The following ADH6 variants were observed in gnomAD, a reference collection of about 807,000 sequenced individuals.
ADH6 encodes the protein alcohol dehydrogenase 6 (class V).
In ADH6, 34 loss-of-function variants were observed where a neutral mutation model predicts 36.5. That is an observed-to-expected ratio of 0.93 (90% CI 0.71 to 1.24). ADH6 has a LOEUF of 1.24. Among genes scored for constraint, ADH6 ranks in the 50% most tolerant of loss-of-function variants. The pLI, the probability that ADH6 is intolerant of heterozygous loss-of-function variation, is 0.00. For missense variants in ADH6, 440 were observed against 447.0 expected (o/e 0.98, Z 0.14); for synonymous variants, 161 against 155.5 (o/e 1.04, Z -0.26).
intron 3 of ADH6, 74 bp downstream of exon 3, chr4:99,213,532 T>A: frequency 7.2e-7 from 1 of 1,388,186 alleles, no homozygotes; most frequent in South Asian, 1.6e-5. Context: ...CTGACATACT[T>A]AAGGGGTGCT....
intron 3 of ADH6, among the ~76,000 whole-genome samples, chr4:99,212,428 T>C (rs1295498339): frequency 6.6e-6 from 1 of 152,182 alleles, no homozygotes; most frequent in Admixed American, 6.6e-5. Flanking sequence ...ATGGGATGAT[T>C]AAATCAAAGT....
Position 99,203,944 on chromosome 4 carries a change from C to G in ADH6, c.*275G>C. On this transcript the variant is annotated 3_prime_UTR_variant, in exon 9 of 9. Coordinates refer to ENST00000394899, the MANE Select transcript of ADH6 (RefSeq NM_001102470.2). ...TGAAAATGGGAGCATCTTGCATTGA[C>G]CTTTTATGTCTGAAGGATGTGGAGT... 4 of 409,130 alleles carry G rather than the reference C, an allele frequency of 9.8e-6. No homozygotes were observed. Among genetic ancestry groups the G allele is most frequent in the Non-Finnish European group, 8.6e-6 (2 of 231,638 alleles). The allele number at this position is 409,130 out of a possible 1,614,324, so 25.3% of individuals were successfully genotyped here. A position where few individuals can be genotyped will look rare whatever the true frequency, so the allele number is the denominator to read the frequency against.
chr4:99,213,554 C>G (rs537707275), intron 3 of ADH6, 52 bp downstream of exon 3: 4 of 1,362,468 alleles, frequency 2.9e-6, no homozygotes, highest in African/African-American at 5.2e-5. Flanking sequence ...ATCATTTTCT[C>G]GAGTTGGTTC....
chr4:99,213,812 G>C, intron 2 of ADH6, 65 bp from the exon 3 acceptor site: 3 of 1,400,974 alleles, frequency 2.1e-6, no homozygotes, highest in Non-Finnish European at 2.8e-6. Flanking sequence ...TAGAGTTGTT[G>C]ACTGTAAGGC....
chr4:99,213,391 CT>C (rs1731293770), intron 3 of ADH6, among the ~76,000 whole-genome samples: 1 of 152,010 alleles, frequency 6.6e-6, no homozygotes, highest in Admixed American at 6.6e-5. Flanking sequence ...CATTCTACTT[CT>C]TGTTTTTTCT....
chr4:99,216,493 A>G (rs1192895566), intron 1 of ADH6, among the ~76,000 whole-genome samples: 1 of 152,174 alleles, frequency 6.6e-6, no homozygotes, highest in Non-Finnish European at 1.5e-5. Context: ...AACTATATTT[A>G]CAAAATGTAA....
Position 99,210,470 on chromosome 4 carries a change from A to C in ADH6, c.295T>G (p.Cys99Gly). The C allele has an allele frequency of 6.2e-7, 1 of 1,611,940 alleles. No homozygotes were observed. Among genetic ancestry groups the C allele is most frequent in the East Asian group, 2.2e-5 (1 of 44,860 alleles). ...TTCAGGCAAGAGGTACATTCTCCAC[A>C]CTGTGGCAGAAAGAGTGTGATAACT... ...DKVITLFLPQ[C>G]GECTSCLNSE... Residue 99 changes from cysteine to glycine, a missense_variant, in exon 4 of 9, where the codon TGT (cysteine) becomes GGT (glycine). Transcript: ENST00000394899.
At chr4:99,217,189 C>G (rs1009147898) in intron 1 of ADH6, among the ~76,000 whole-genome samples, 1 of 152,084 alleles carries the variant, frequency 6.6e-6, no homozygotes, top group African/African-American at 2.4e-5. Context: ...GCGCCCACCA[C>G]CACGCCTGGC....
rs1186310992 is a variant in ADH6, at chr4:99,204,236, A to G, written c.1111T>C (p.Cys371Arg). 6.2e-7 allele frequency: 1 copy of G among 1,602,066 alleles called. No individual in the cohort carries two copies. The highest frequency in any genetic ancestry group is 8.5e-7 in the Non-Finnish European group (1 of 1,178,520). Residue 371 changes from cysteine (C) to arginine (R), a missense_variant, in exon 9 of 9, where the codon TGT (cysteine) becomes CGT (arginine). Cys to Arg is a radical substitution (Grantham distance 180, BLOSUM62 -3). Coordinates refer to ENST00000394899, the MANE Select transcript of ADH6 (RefSeq NM_001102470.2). ...CATTGTACTTAAAGTAACAGGATAC[A>G]GCGGATACTGAAAAAAAGAAGAAGA... The part of the protein sequence containing the change: ...ELMKTGKCIR[C>R]ILLL
At chr4:99,212,712 C>CAT (rs915032509) in intron 3 of ADH6, among the ~76,000 whole-genome samples, 65 of 150,716 alleles carry the variant, frequency 4.3e-4, no homozygotes, top group South Asian at 1.3e-3. Context: ...TTAAAGCATT[C>CAT]ATATATATAT....
chr4:99,212,486 T>G (rs1579447045), intron 3 of ADH6, among the ~76,000 whole-genome samples: 1 of 152,094 alleles, frequency 6.6e-6, no homozygotes, highest in African/African-American at 2.4e-5. Flanking sequence ...GGTAAGAACA[T>G]TTGAAATGTA....
chr4:99,211,504 G>C (rs956037540), intron 3 of ADH6, among the ~76,000 whole-genome samples: 2 of 152,104 alleles, frequency 1.3e-5, no homozygotes, highest in Non-Finnish European at 2.9e-5. Flanking sequence ...TCTTATTGTA[G>C]ACAGAGTTCT....
chr4:99,212,783 CT>C (rs1305611082), intron 3 of ADH6, among the ~76,000 whole-genome samples: 5 of 150,522 alleles, frequency 3.3e-5, no homozygotes, highest in East Asian at 2.0e-4. Context: ...TTTTGTTTGC[CT>C]TTTTTTATTT....
At chr4:99,214,402 A>C (rs1039084193) in intron 2 of ADH6, among the ~76,000 whole-genome samples, 1 of 152,178 alleles carries the variant, frequency 6.6e-6, no homozygotes, top group Non-Finnish European at 1.5e-5. Context: ...TCTAAAATGA[A>C]ATGAAATAAA....
chr4:99,216,530 T>A (rs1034717737), intron 1 of ADH6, among the ~76,000 whole-genome samples: 3 of 152,150 alleles, frequency 2.0e-5, no homozygotes, highest in African/African-American at 7.2e-5. Context: ...GATGTCATAC[T>A]TTTAAAGATT....
At chr4:99,209,036 TA>T in intron 5 of ADH6, 108 bp from the exon 6 acceptor site, 2 of 1,205,510 alleles carry the variant, frequency 1.7e-6, no homozygotes, top group South Asian at 3.2e-5. Context: ...TAACGAGTCA[TA>T]AGCAAATGAT....
In ADH6 at chr4:99,203,082, G is replaced by A; in HGVS notation, c.*1137C>T. ...CAGTGTTAAATCAGGAAACTATTTT[G>A]TTTAGATCAAAAAATGATATTCCAT... On this transcript the variant is annotated 3_prime_UTR_variant, in exon 9 of 9. Transcript: ENST00000394899. 1 of 322,596 alleles carries A rather than the reference G, an allele frequency of 3.1e-6. No homozygotes were observed. The highest frequency in any genetic ancestry group is 5.6e-6 in the Non-Finnish European group (1 of 178,266). The allele number at this position is 322,596 out of a possible 1,614,324, so 20.0% of individuals were successfully genotyped here.
Position 99,213,758 on chromosome 4 carries a change from G to A in ADH6, c.121-11C>T. 6.3e-7 allele frequency: 1 copy of A among 1,595,150 alleles called. No homozygotes were observed. ...TCCGGTGGCCACAACCTGTATGGAA[G>A]GCAAAGGGTACTGCAGTTCCCGCTG... On this transcript the variant is annotated splice_polypyrimidine_tract_variant and intron_variant, in intron 2 of 8. Transcript: ENST00000394899.
At chr4:99,216,369 T>C (rs1731428462) in intron 1 of ADH6, 107 bp from the exon 2 acceptor site, 2 of 571,500 alleles carry the variant, frequency 3.5e-6, no homozygotes, top group South Asian at 5.1e-5. Context: ...AGTCCAACTT[T>C]CCGCACTGCA....
Sources: gnomAD v4.1 joint callset for allele counts (sites outside exome capture counted in the v4.1 genomes callset) on GRCh38, gnomAD v4.1.1 for gene constraint, MANE v1.5 for transcripts, NCBI Gene and HGNC (gene_info 2026-07-23, HGNC 2026-07-21) for gene names.